Variants in NRG1 observed in about 807,000 individuals in gnomAD.
The protein encoded by NRG1 is pro-neuregulin-1, membrane-bound isoform.
In NRG1, 18 loss-of-function variants were observed where a neutral mutation model predicts 63.8. The ratio of observed to expected loss-of-function variants is 0.28; its 90% confidence interval spans 0.19 to 0.42. The LOEUF is 0.42. Ranked by LOEUF, NRG1 falls within the 10% of genes least tolerant of loss-of-function variation. The pLI, the probability that NRG1 is intolerant of heterozygous loss-of-function variation, is 1.00. For synonymous variants in NRG1, 302 were observed against 301.3 expected (o/e 1.00, Z -0.02); for missense variants, 762 against 814.7 (o/e 0.94, Z 0.79).
intron 1 of NRG1, among the ~76,000 whole-genome samples, chr8:32,234,590 G>A (rs572471188): frequency 6.6e-6 from 1 of 152,206 alleles, no homozygotes; most frequent in Admixed American, 6.5e-5. Flanking sequence ...CAAGATTTTG[G>A]AATAAAGTTG....
intron 5 of NRG1, among the ~76,000 whole-genome samples, chr8:32,675,223 A>G (rs969346192): frequency 5.3e-5 from 8 of 152,186 alleles, no homozygotes; most frequent in African/African-American, 1.9e-4. Flanking sequence ...ACCAAGCTGT[A>G]TATTTTTTTC....
intron 1 of NRG1, among the ~76,000 whole-genome samples, chr8:32,265,127 C>T (rs189699877): frequency 6.6e-6 from 1 of 152,000 alleles, no homozygotes; most frequent in Non-Finnish European, 1.5e-5. Flanking sequence ...TGCTTGTGTC[C>T]AGGAGTTTAA....
intron 1 of NRG1, among the ~76,000 whole-genome samples, chr8:32,169,071 G>A (rs566542804): frequency 2.6e-5 from 4 of 152,204 alleles, no homozygotes; most frequent in Admixed American, 6.5e-5. Context: ...TATCATGGAC[G>A]TCCTTAGGAA....
At chr8:32,415,408 A>G (rs560302824) in intron 1 of NRG1, among the ~76,000 whole-genome samples, 1 of 134,506 alleles carries the variant, frequency 7.4e-6, no homozygotes, top group East Asian at 3.2e-4. Flanking sequence ...AAAGGATGTG[A>G]AAGGAAAGAG....
intron 3 of NRG1, among the ~76,000 whole-genome samples, chr8:32,612,212 A>G (rs1264399180): frequency 1.3e-5 from 2 of 152,092 alleles, no homozygotes; most frequent in Non-Finnish European, 1.5e-5. Flanking sequence ...TGCAGGATTT[A>G]ATGCTTTTTT....
chr8:32,171,178 A>G (rs1839988409), intron 1 of NRG1, among the ~76,000 whole-genome samples: 1 of 152,352 alleles, frequency 6.6e-6, no homozygotes, highest in African/African-American at 2.4e-5. Context: ...AGAAAAAAAC[A>G]TGAATATCTT....
In NRG1 at chr8:32,322,199, GA is replaced by G. The variant is rs993897336; in HGVS notation, c.38-273620del. On this transcript the variant is annotated intron_variant, in intron 1 of 10. Coordinates refer to the NRG1 transcript ENST00000519301. ...GCAAGACCCCATCTCTAAAAAAAAA[GA>G]AAAAAAAAGAATGATAGCATTTCCT... 1.2e-4 allele frequency among the ~76,000 whole-genome samples: 18 copies of G among 148,016 alleles called. 1 individual carries two copies. In the South Asian group the frequency reaches 1.3e-3, roughly 11 times the overall value.
At chr8:32,773,524 A>G (rs911444077) in intron 7 of NRG1, among the ~76,000 whole-genome samples, 1 of 152,184 alleles carries the variant, frequency 6.6e-6, no homozygotes, top group Non-Finnish European at 1.5e-5. Flanking sequence ...GACCTGAGCA[A>G]TAGTCTAGAT....
intron 1 of NRG1, among the ~76,000 whole-genome samples, chr8:31,979,934 T>C (rs1389805502): frequency 1.3e-5 from 2 of 152,096 alleles, no homozygotes; most frequent in Non-Finnish European, 2.9e-5. Context: ...TATATGTCTA[T>C]TTAACAAATA....
intron 5 of NRG1, among the ~76,000 whole-genome samples, chr8:32,653,025 C>CT: frequency 6.6e-6 from 1 of 152,328 alleles, no homozygotes; most frequent in South Asian, 2.1e-4. Flanking sequence ...TCTACTACAG[C>CT]ATAAACTACA....
rs942552400 is a variant in NRG1 at position 32,010,160 on chromosome 8, C to A, written c.37+370729C>A. ...GTCTTATTCTTAATTACTTCATACC[C>A]CAAATTAGGTGGGCTAAATATCTTT... On this transcript the variant is annotated intron_variant, in intron 1 of 10. Coordinates refer to the NRG1 transcript ENST00000519301. 2.0e-5 allele frequency among the ~76,000 whole-genome samples: 3 copies of A among 152,088 alleles called. No homozygotes were observed. In the East Asian group the frequency reaches 5.8e-4, roughly 30 times the overall value.
chr8:32,515,731 T>G (rs1829758502), intron 1 of NRG1, among the ~76,000 whole-genome samples: 2 of 152,188 alleles, frequency 1.3e-5, no homozygotes, highest in South Asian at 4.1e-4. Context: ...TAAGCCACTA[T>G]GCTCAGGCCT....
chr8:31,872,716 T>A (rs887926874), intron 1 of NRG1, among the ~76,000 whole-genome samples: 1 of 152,184 alleles, frequency 6.6e-6, no homozygotes, highest in Non-Finnish European at 1.5e-5. Context: ...GAGTAAAGCA[T>A]GGAAACAGGA....
intron 1 of NRG1, among the ~76,000 whole-genome samples, chr8:32,118,171 C>A (rs1042244434): frequency 6.6e-5 from 10 of 151,948 alleles, no homozygotes; most frequent in African/African-American, 2.2e-4. Context: ...AACTTTGATC[C>A]CTAGCATTGG....
At chr8:32,538,595 G>A (rs2129520282) in intron 1 of NRG1, among the ~76,000 whole-genome samples, 1 of 152,274 alleles carries the variant, frequency 6.6e-6, no homozygotes, top group African/African-American at 2.4e-5. Context: ...TTAAGATATA[G>A]CTAATACAGC....
At chr8:32,721,493 C>G (rs1311764334) in intron 5 of NRG1, among the ~76,000 whole-genome samples, 1 of 152,020 alleles carries the variant, frequency 6.6e-6, no homozygotes, top group East Asian at 1.9e-4. Context: ...TTCCATTAAC[C>G]GTCTCCTGAG....
chr8:31,663,601 A>G (rs1015751367), intron 1 of NRG1, among the ~76,000 whole-genome samples: 3 of 152,212 alleles, frequency 2.0e-5, no homozygotes, highest in African/African-American at 7.2e-5. Flanking sequence ...TACATAAAGC[A>G]TGAATAATTG....
intron 1 of NRG1, among the ~76,000 whole-genome samples, chr8:31,702,535 T>C (rs7012268): frequency 0.95 from 143,997 of 151,824 alleles, 68,743 homozygotes; most frequent in East Asian, 1. Context: ...TAGTTAATTG[T>C]TATTTTCAAT....
At chr8:32,435,425 A>G (rs1295344741) in intron 1 of NRG1, among the ~76,000 whole-genome samples, 2 of 152,218 alleles carry the variant, frequency 1.3e-5, no homozygotes, top group Non-Finnish European at 2.9e-5. Context: ...GGCTTTGTGT[A>G]GGGTAATTGT....
Sources: gnomAD v4.1 joint callset for allele counts (sites outside exome capture counted in the v4.1 genomes callset) on GRCh38, gnomAD v4.1.1 for gene constraint, MANE v1.5 for transcripts, NCBI Gene and HGNC (gene_info 2026-07-23, HGNC 2026-07-21) for gene names.